USP10: variants seen among roughly 807,000 people sequenced by gnomAD.
USP10 encodes ubiquitin carboxyl-terminal hydrolase 10.
A neutral mutation model predicts 84.5 loss-of-function variants in USP10; 22 were observed. The ratio of observed to expected loss-of-function variants is 0.26; its 90% CI spans 0.19 to 0.37. USP10 has a LOEUF of 0.37. USP10 is among the 10% of genes least tolerant of loss of function. The probability of loss-of-function intolerance (pLI) is 1.00; values close to 1 mark genes in which losing one functional copy is unlikely to be tolerated. For missense variants in USP10, 1,019 were observed against 998.9 expected, an observed-to-expected ratio of 1.02 and a Z score of -0.27; for synonymous variants, 454 against 387.6, an observed-to-expected ratio of 1.17 and a Z score of -2.01.
intron 1 of USP10, chr16:84,704,928 G>C: frequency 6.5e-7 from 1 of 1,534,012 alleles, no homozygotes; most frequent in Non-Finnish European, 8.7e-7. Flanking sequence ...TTCCCTTTTG[G>C]GCTCACATGA....
chr16:84,731,673 G>T (rs1396217805), intron 1 of USP10, among the ~76,000 whole-genome samples: 1 of 152,042 alleles, frequency 6.6e-6, no homozygotes, highest in East Asian at 1.9e-4. Context: ...GCCTTCCATA[G>T]CCTTGTTGAT....
chr16:84,738,221 G>A (rs1910186427), intron 2 of USP10, among the ~76,000 whole-genome samples: 1 of 152,228 alleles, frequency 6.6e-6, no homozygotes, highest in African/African-American at 2.4e-5. Flanking sequence ...AGAATACTGG[G>A]AAGTGTGAAG....
intron 1 of USP10, 156 bp from the exon 2 acceptor site, chr16:84,733,279 A>G (rs1385001475): frequency 1.6e-6 from 1 of 627,132 alleles, no homozygotes; most frequent in Non-Finnish European, 2.8e-6. Context: ...TAAACAACCT[A>G]GAACTCTGAG....
At chr16:84,728,934 G>T (rs1444302381) in intron 1 of USP10, among the ~76,000 whole-genome samples, 1 of 152,010 alleles carries the variant, frequency 6.6e-6, no homozygotes, top group Non-Finnish European at 1.5e-5. Flanking sequence ...AAGTAGCTGG[G>T]ATTACAGGCA....
chr16:84,737,376 T>C (rs1340551584), intron 2 of USP10, among the ~76,000 whole-genome samples: 2 of 152,244 alleles, frequency 1.3e-5, no homozygotes, highest in Non-Finnish European at 2.9e-5. Context: ...CAAATAGTTA[T>C]ATAGTTAATG....
chr16:84,768,402 G>C (rs369383543), intron 11 of USP10, 44 bp downstream of exon 11: 2 of 1,467,840 alleles, frequency 1.4e-6, no homozygotes, highest in African/African-American at 2.8e-5. Context: ...AAGGTGCTCT[G>C]GTTTGGTGGA....
intron 1 of USP10, among the ~76,000 whole-genome samples, chr16:84,703,524 C>T (rs1247947949): frequency 2.6e-5 from 4 of 152,216 alleles, no homozygotes; most frequent in Admixed American, 6.5e-5. Context: ...ATATCTGTTT[C>T]TAGCCAACAG....
intron 11 of USP10, among the ~76,000 whole-genome samples, chr16:84,770,906 AAATACAAAAATTAAC>A (rs1914380133): frequency 6.6e-6 from 1 of 152,150 alleles, no homozygotes; most frequent in Admixed American, 6.5e-5. Context: ...TCTCTACTAA[AAATACAAAAATTAAC>A]TGGGCATGGT....
chr16:84,715,637 C>CT (rs530012035), intron 1 of USP10, among the ~76,000 whole-genome samples: 238 of 147,962 alleles, frequency 1.6e-3, no homozygotes, highest in Admixed American at 3.3e-3. Flanking sequence ...GGTGCCCTCC[C>CT]TTTTTTTTTT....
At chr16:84,773,096 G>T (rs752419940) in intron 12 of USP10, among the ~76,000 whole-genome samples, 2 of 152,142 alleles carry the variant, frequency 1.3e-5, no homozygotes, top group African/African-American at 2.4e-5. Flanking sequence ...CTAACCTCTA[G>T]TTGTGGTGGC....
chr16:84,716,418 AT>A (rs1907022150), intron 1 of USP10: 1 of 152,100 alleles, frequency 6.6e-6, no homozygotes, highest in Non-Finnish European at 1.5e-5. Flanking sequence ...AAGTTTTTTC[AT>A]CTTCATTCAG....
intron 8 of USP10, among the ~76,000 whole-genome samples, chr16:84,761,758 C>T (rs554252013): frequency 5.9e-5 from 9 of 152,372 alleles, no homozygotes; most frequent in African/African-American, 1.4e-4. Context: ...GGCAGAATCC[C>T]GTATCAGTTA....
intron 2 of USP10, among the ~76,000 whole-genome samples, chr16:84,737,172 C>T (rs914175016): frequency 2.0e-5 from 3 of 152,168 alleles, no homozygotes; most frequent in Non-Finnish European, 4.4e-5. Flanking sequence ...ACACAGGTAG[C>T]CCAGAGGGAG....
intron 1 of USP10, 88 bp downstream of exon 1, chr16:84,700,199 G>C (rs1441002869): frequency 2.8e-6 from 3 of 1,053,930 alleles, no homozygotes; most frequent in Non-Finnish European, 3.5e-6. Flanking sequence ...CGCCCTGCCC[G>C]GAGCGAGCGT....
chr16:84,745,531 G>A lies in USP10; in HGVS notation c.1050G>A (p.Lys350=). ...KSWASLFHDS[K]PSSSSPVAYV... ...GGGCCAGCCTCTTTCATGATTCTAA[G>A]CCCTCTTCCTCCTCGCCGGTGGCCT... The change falls in exon 4 of 14, where the codon AAG becomes AAA. Residue 350 remains lysine (K), a synonymous_variant. Transcript: ENST00000219473. The A allele has an allele frequency of 6.2e-7, 1 of 1,613,228 alleles. No homozygotes were observed. The highest frequency in any genetic ancestry group is 1.3e-5 in the African/African-American group (1 of 74,990).
chr16:84,710,917 G>T (rs1036712663), intron 1 of USP10, among the ~76,000 whole-genome samples: 2 of 152,156 alleles, frequency 1.3e-5, no homozygotes, highest in Admixed American at 1.3e-4. Context: ...CCTTTCGCAT[G>T]AATAGCAATA....
intron 2 of USP10, among the ~76,000 whole-genome samples, chr16:84,739,890 A>G (rs8061015): frequency 0.099 from 15,097 of 152,210 alleles, 866 homozygotes; most frequent in African/African-American, 0.16. Context: ...CTGTGTTGCA[A>G]TGTAGTGATC....
intron 2 of USP10, among the ~76,000 whole-genome samples, chr16:84,738,596 A>G: frequency 6.6e-6 from 1 of 152,176 alleles, no homozygotes; most frequent in East Asian, 1.9e-4. Flanking sequence ...AGGCTAGTGT[A>G]GCCCATCTCA....
rs1486597638 is a variant in USP10, at chr16:84,711,559, A to G, written c.21+11448A>G. Among the ~76,000 whole-genome samples the G allele has an allele frequency of 2.0e-5, 3 of 152,282 alleles. No homozygotes were observed. In the East Asian group the frequency reaches 5.8e-4, roughly 29 times the overall value. On this transcript the variant is annotated intron_variant, in intron 1 of 13. Transcript: ENST00000219473. Reference sequence around the variant, plus strand: ...GTCAGGTGAGGAAATTCTAGTCTCTAGTTTTTCCCAAACTGGTGCTGAAAT... The same window carrying G: ...GTCAGGTGAGGAAATTCTAGTCTCTGGTTTTTCCCAAACTGGTGCTGAAAT...
Sources: allele counts gnomAD v4.1 joint callset (sites outside exome capture counted in the v4.1 genomes callset), GRCh38; gene constraint gnomAD v4.1.1; transcripts MANE v1.5; gene names NCBI Gene and HGNC (gene_info 2026-07-23, HGNC 2026-07-21).